The following RANBP17 variants were observed in gnomAD, a reference collection of about 807,000 sequenced individuals.
RANBP17 encodes the protein RAN binding protein 17.
RANBP17 carries 158 observed loss-of-function variants against 141.2 expected under a neutral mutation model. The observed-to-expected ratio is 1.12, with a 90% CI of 0.98 to 1.28. The LOEUF (loss-of-function observed/expected upper bound fraction) is 1.28. RANBP17 is among the 50% of genes most tolerant of loss of function. The probability of loss-of-function intolerance (pLI) is 0.00; values close to 1 mark genes in which losing one functional copy is unlikely to be tolerated. For missense variants in RANBP17, 1,438 were observed against 1,290.7 expected, an observed-to-expected ratio of 1.11 and a Z score of -1.75; for synonymous variants, 430 against 450.0, an observed-to-expected ratio of 0.96 and a Z score of 0.56.
intron 14 of RANBP17, among the ~76,000 whole-genome samples, chr5:170,980,431 C>G (rs748733103): frequency 2.6e-5 from 4 of 152,202 alleles, no homozygotes; most frequent in Non-Finnish European, 5.9e-5. Flanking sequence ...CCTCCCATCA[C>G]AGGCTCAGAG....
At chr5:171,005,453 A>G (rs1581374007) in intron 14 of RANBP17, among the ~76,000 whole-genome samples, 1 of 152,328 alleles carries the variant, frequency 6.6e-6, no homozygotes, top group Non-Finnish European at 1.5e-5. Context: ...ATCTACAACT[A>G]TCTGATCTTT....
At chr5:171,234,804 C>T (rs1220429439) in intron 22 of RANBP17, among the ~76,000 whole-genome samples, 1 of 151,998 alleles carries the variant, frequency 6.6e-6, no homozygotes, top group East Asian at 1.9e-4. Context: ...CCATTAATAC[C>T]CAAGTAGAGA....
chr5:171,062,303 G>A (rs1305053476), intron 14 of RANBP17, among the ~76,000 whole-genome samples: 1 of 152,200 alleles, frequency 6.6e-6, no homozygotes, highest in Non-Finnish European at 1.5e-5. Flanking sequence ...GGTACCGGTT[G>A]TTCCTTTCCA....
intron 12 of RANBP17, among the ~76,000 whole-genome samples, chr5:170,939,582 C>T (rs922733576): frequency 3.9e-5 from 6 of 151,902 alleles, no homozygotes; most frequent in African/African-American, 9.7e-5. Flanking sequence ...GACGGAGTTT[C>T]GCCATGTTGT....
intron 14 of RANBP17, among the ~76,000 whole-genome samples, chr5:170,973,390 T>TAGGGA (rs1777128068): frequency 6.6e-6 from 1 of 152,038 alleles, no homozygotes; most frequent in Non-Finnish European, 1.5e-5. Context: ...GATTTAGGGA[T>TAGGGA]AGGGAAGAAT....
intron 14 of RANBP17, among the ~76,000 whole-genome samples, chr5:170,976,891 AAT>A (rs1777416254): frequency 6.6e-6 from 1 of 152,110 alleles, no homozygotes; most frequent in Non-Finnish European, 1.5e-5. Context: ...ATGTGAGAAA[AAT>A]ATAAAATGCT....
chr5:171,207,023 T>TA (rs1308544735), intron 20 of RANBP17: 1 of 171,720 alleles, frequency 5.8e-6, no homozygotes, highest in African/African-American at 2.4e-5. Context: ...ATACGGGGTC[T>TA]TGTATGTTGC....
chr5:170,970,593 G>T (rs946312965), intron 14 of RANBP17: 1 of 152,136 alleles, frequency 6.6e-6, no homozygotes, highest in Non-Finnish European at 1.5e-5. Context: ...CGCTAAGCAT[G>T]TGGGAGTTAT....
intron 18 of RANBP17, among the ~76,000 whole-genome samples, chr5:171,183,977 G>A (rs1761047908): frequency 6.6e-6 from 1 of 152,204 alleles, no homozygotes; most frequent in African/African-American, 2.4e-5. Context: ...GTATGATCAT[G>A]TATGTTGGGG....
In RANBP17 at chr5:170,866,187, C is replaced by T. The variant is rs562630533; in HGVS notation, c.18+4136C>T. Among the ~76,000 whole-genome samples the T allele has an allele frequency of 7.9e-5, 12 of 152,214 alleles. No homozygotes were observed. The South Asian group carries it at 2.3e-3, about 29-fold the overall frequency. On this transcript the variant is annotated intron_variant, in intron 1 of 27. Coordinates refer to ENST00000523189, the MANE Select transcript of RANBP17 (RefSeq NM_022897.5). ...CACTATTGGGTATGGCCAGCCCCTC[C>T]CCTAAATAAAAACATTCCTATCAGG...
intron 27 of RANBP17, among the ~76,000 whole-genome samples, chr5:171,297,779 G>A (rs940302956): frequency 7.4e-5 from 11 of 149,564 alleles, no homozygotes; most frequent in East Asian, 3.9e-4. Flanking sequence ...ACTTTTTTCC[G>A]TGTACCAGGC....
chr5:170,919,821 C>T (rs1772282662), intron 11 of RANBP17, among the ~76,000 whole-genome samples: 2 of 151,772 alleles, frequency 1.3e-5, no homozygotes, highest in African/African-American at 4.8e-5. Context: ...TTCAGTCAGC[C>T]CCTCTCCTCA....
In RANBP17 at chr5:171,072,093, C is replaced by G. The variant is rs544463608; in HGVS notation, c.1711-98037C>G. Among the ~76,000 whole-genome samples the G allele has an allele frequency of 2.4e-3, 363 of 152,150 alleles. 3 individuals are homozygous for G. The highest frequency in any genetic ancestry group is 8.4e-3 in the African/African-American group (347 of 41,522). Reference sequence around the variant, plus strand: ...CCCACACCCCCATCACCCAAAGATGCCTACATCCTAATCCAAAAGGGAGTG... The same window carrying G: ...CCCACACCCCCATCACCCAAAGATGGCTACATCCTAATCCAAAAGGGAGTG... On this transcript the variant is annotated intron_variant, in intron 14 of 27. Transcript: ENST00000523189.
At chr5:170,882,169 C>T (rs1287711829) in intron 3 of RANBP17, among the ~76,000 whole-genome samples, 4 of 152,102 alleles carry the variant, frequency 2.6e-5, no homozygotes, top group African/African-American at 4.8e-5. Flanking sequence ...CTGCAACCTA[C>T]GCCTCCTGGC....
intron 14 of RANBP17, among the ~76,000 whole-genome samples, chr5:171,128,321 G>GA (rs1233886874): frequency 1.3e-5 from 2 of 152,204 alleles, no homozygotes; most frequent in Non-Finnish European, 1.5e-5. Context: ...ATTCAGCTAT[G>GA]AAAAAAAGCG....
intron 12 of RANBP17, among the ~76,000 whole-genome samples, chr5:170,932,213 G>T (rs1581174997): frequency 1.3e-5 from 2 of 152,082 alleles, no homozygotes; most frequent in African/African-American, 4.8e-5. Context: ...CTGTTTGTCT[G>T]TTATTGGTGT....
chr5:171,218,136 T>G (rs1025201830), intron 21 of RANBP17, among the ~76,000 whole-genome samples: 3 of 152,194 alleles, frequency 2.0e-5, no homozygotes, highest in Non-Finnish European at 2.9e-5. Context: ...TCTGCCTTAA[T>G]TTTGTTATTT....
chr5:170,973,265 A>G (rs1370723625), intron 14 of RANBP17, among the ~76,000 whole-genome samples: 3 of 152,214 alleles, frequency 2.0e-5, no homozygotes, highest in Non-Finnish European at 2.9e-5. Flanking sequence ...TATTAAATAC[A>G]TACTGCTGGG....
At chr5:171,192,208 A>T (rs1323186593) in intron 18 of RANBP17, among the ~76,000 whole-genome samples, 1 of 152,188 alleles carries the variant, frequency 6.6e-6, no homozygotes, top group Admixed American at 6.5e-5. Context: ...GGCAGAGATT[A>T]TCTGAAAAAT....
Sources: gnomAD v4.1 joint callset for allele counts (sites outside exome capture counted in the v4.1 genomes callset) on GRCh38, gnomAD v4.1.1 for gene constraint, MANE v1.5 for transcripts, NCBI Gene and HGNC (gene_info 2026-07-23, HGNC 2026-07-21) for gene names.